Variants in PDE1A observed in about 807,000 individuals in gnomAD.
The protein encoded by PDE1A is phosphodiesterase 1A.
A neutral mutation model predicts 61.7 loss-of-function variants in PDE1A; 35 were observed. That is an observed-to-expected ratio of 0.57 (90% CI 0.43 to 0.75). The LOEUF (loss-of-function observed/expected upper bound fraction) is 0.75, where lower values mean the gene tolerates loss of function less well. PDE1A is among the 30% of genes least tolerant of loss of function. The pLI is 0.00. For missense variants in PDE1A, 597 were observed against 630.6 expected, an observed-to-expected ratio of 0.95 and a Z score of 0.57; for synonymous variants, 232 against 213.2, an observed-to-expected ratio of 1.09 and a Z score of -0.77.
intron 2 of PDE1A, among the ~76,000 whole-genome samples, chr2:182,477,429 G>C (rs555758100): frequency 5.4e-4 from 82 of 151,944 alleles, no homozygotes; most frequent in Admixed American, 1.6e-3. Context: ...TTTCAATCAA[G>C]GCAAATGAAG....
chr2:182,699,314 ATTGT>A, the PDE1A span, among the ~76,000 whole-genome samples: 34 of 152,316 alleles, frequency 2.2e-4, no homozygotes, highest in Admixed American at 8.5e-4. Context: ...CAACCAGCTG[ATTGT>A]TTGAGGTTCA....
the PDE1A span, among the ~76,000 whole-genome samples, chr2:182,696,774 G>C: frequency 1.3e-5 from 2 of 152,058 alleles, no homozygotes; most frequent in African/African-American, 2.4e-5. Flanking sequence ...ATAAACCTAA[G>C]ACTGCTTTAA....
At chr2:182,194,802 G>C (rs1685999611) in intron 10 of PDE1A, among the ~76,000 whole-genome samples, 1 of 151,712 alleles carries the variant, frequency 6.6e-6, no homozygotes, top group Non-Finnish European at 1.5e-5. Flanking sequence ...TAAATAAAAT[G>C]AGTTCGGTAG....
rs538054349 is a variant in PDE1A at position 182,206,185 on chromosome 2, A to G, written c.777-120T>C. The G allele has an allele frequency of 3.9e-4, 241 of 615,862 alleles. 2 individuals are homozygous for G. In the East Asian group the frequency reaches 7.0e-3, roughly 18 times the overall value. 38.1% of individuals were successfully genotyped at this position (615,862 alleles called of 1,614,324 possible). ...AAACATCCTATAATTGAACAGTGAGAATTATGGAAGTACTTAGTTTCTTTT... is the reference window on the plus strand; with the variant it reads ...AAACATCCTATAATTGAACAGTGAGGATTATGGAAGTACTTAGTTTCTTTT... On this transcript the variant is annotated intron_variant, in intron 7 of 13. Coordinates refer to ENST00000351439, the Ensembl canonical transcript of PDE1A.
At chr2:182,532,864 G>GAAC in the PDE1A span, among the ~76,000 whole-genome samples, 1 of 136,490 alleles carries the variant, frequency 7.3e-6, no homozygotes, top group Non-Finnish European at 1.5e-5. Flanking sequence ...AGAATGGCGT[G>GAAC]AACCCCGGGA....
intron 1 of PDE1A, among the ~76,000 whole-genome samples, chr2:182,419,969 G>A (rs1010927456): frequency 2.6e-5 from 4 of 151,574 alleles, no homozygotes; most frequent in Non-Finnish European, 5.9e-5. Flanking sequence ...TAGTTTCGTA[G>A]GGGAGCTGAT....
chr2:182,426,960 T>A (rs772356856), exon 1 of PDE1A: 17 of 1,047,248 alleles, frequency 1.6e-5, no homozygotes, highest in Non-Finnish European at 2.0e-5. Flanking sequence ...CCTACCCCAG[T>A]GTCATCCAGG....
chr2:182,320,902 T>A (rs80271906), intron 1 of PDE1A, among the ~76,000 whole-genome samples: 1 of 152,190 alleles, frequency 6.6e-6, no homozygotes, highest in Non-Finnish European at 1.5e-5. Context: ...TAAGCTATTA[T>A]GCAAATGAAA....
the PDE1A span, among the ~76,000 whole-genome samples, chr2:182,649,841 C>T: frequency 6.6e-6 from 1 of 152,034 alleles, no homozygotes; most frequent in Non-Finnish European, 1.5e-5. Flanking sequence ...AACTCCTGAC[C>T]TTGTGATCCA....
the PDE1A span, among the ~76,000 whole-genome samples, chr2:182,567,178 C>T: frequency 2.6e-5 from 4 of 152,228 alleles, no homozygotes; most frequent in Middle Eastern, 3.4e-3. Context: ...TATAACATTA[C>T]CATGAGAGAA....
intron 2 of PDE1A, among the ~76,000 whole-genome samples, chr2:182,245,070 C>T (rs1162134758): frequency 1.3e-5 from 2 of 152,170 alleles, no homozygotes; most frequent in Non-Finnish European, 2.9e-5. Context: ...TTAACTTGAC[C>T]TTTTTATTCT....
At chr2:182,209,102 T>C (rs2125518140) in intron 7 of PDE1A, among the ~76,000 whole-genome samples, 1 of 152,222 alleles carries the variant, frequency 6.6e-6, no homozygotes, top group Non-Finnish European at 1.5e-5. Flanking sequence ...TATTAGTCCA[T>C]TTTCAAGCTG....
At chr2:182,245,621 T>A (rs939395348) in intron 2 of PDE1A, among the ~76,000 whole-genome samples, 1 of 152,216 alleles carries the variant, frequency 6.6e-6, no homozygotes, top group African/African-American at 2.4e-5. Context: ...AGGCTAGACT[T>A]TTTAATATTG....
intron 1 of PDE1A, among the ~76,000 whole-genome samples, chr2:182,414,603 G>A (rs1247529022): frequency 1.3e-5 from 2 of 152,214 alleles, no homozygotes; most frequent in East Asian, 1.9e-4. Context: ...TCTGTCAAGG[G>A]AGAAAGGATG....
chr2:182,245,204 A>G (rs1456404584), intron 2 of PDE1A, among the ~76,000 whole-genome samples: 1 of 152,164 alleles, frequency 6.6e-6, no homozygotes, highest in Non-Finnish European at 1.5e-5. Context: ...TTTATTTTTT[A>G]GGCTTACAGA....
intron 1 of PDE1A, among the ~76,000 whole-genome samples, chr2:182,336,494 C>A (rs1361760571): frequency 6.6e-6 from 1 of 152,122 alleles, no homozygotes; most frequent in Non-Finnish European, 1.5e-5. Flanking sequence ...TGAACACCAT[C>A]ATTCTCAGCA....
intron 1 of PDE1A, among the ~76,000 whole-genome samples, chr2:182,398,803 C>T (rs1016696504): frequency 1.3e-5 from 2 of 151,944 alleles, no homozygotes; most frequent in South Asian, 4.2e-4. Context: ...CCTGTAGATA[C>T]TTTACTTTTA....
chr2:182,667,804 CA>C, the PDE1A span, among the ~76,000 whole-genome samples: 1 of 152,114 alleles, frequency 6.6e-6, no homozygotes, highest in Non-Finnish European at 1.5e-5. Flanking sequence ...AACTGCAACC[CA>C]AAATGAGAGA....
chr2:182,145,522 G>A (rs1290998406), downstream of PDE1A, among the ~76,000 whole-genome samples: 1 of 152,172 alleles, frequency 6.6e-6, no homozygotes, highest in Non-Finnish European at 1.5e-5. Context: ...GAGCTCAGGA[G>A]TTCGAGACCA....
Sources: allele counts gnomAD v4.1 joint callset (sites outside exome capture counted in the v4.1 genomes callset), GRCh38; gene constraint gnomAD v4.1.1; transcripts MANE v1.5; gene names NCBI Gene and HGNC (gene_info 2026-07-23, HGNC 2026-07-21).